The following ARFGEF3 variants were observed in gnomAD, a reference collection of about 807,000 sequenced individuals.
ARFGEF3 encodes brefeldin A-inhibited guanine nucleotide-exchange protein 3.
In ARFGEF3, 96 loss-of-function variants were observed where a neutral mutation model predicts 221.7. That is an observed-to-expected ratio of 0.43 (90% CI 0.37 to 0.51). The LOEUF (loss-of-function observed/expected upper bound fraction) is 0.51, where lower values mean the gene tolerates loss of function less well. ARFGEF3 is among the 20% of genes least tolerant of loss of function. The pLI is 0.00. For synonymous variants in ARFGEF3, 1,145 were observed against 1,126.8 expected, an observed-to-expected ratio of 1.02 and a Z score of -0.32; for missense variants, 2,410 against 2,789.9, an observed-to-expected ratio of 0.86 and a Z score of 3.07.
intron 5 of ARFGEF3, among the ~76,000 whole-genome samples, chr6:138,236,683 G>T (rs910429531): frequency 2.0e-5 from 3 of 152,142 alleles, no homozygotes; most frequent in Non-Finnish European, 4.4e-5. Context: ...CGCCCAGGCA[G>T]ATCTCAAACT....
At chr6:138,306,075 A>G (rs1407557089) in intron 22 of ARFGEF3, among the ~76,000 whole-genome samples, 1 of 152,226 alleles carries the variant, frequency 6.6e-6, no homozygotes, top group Non-Finnish European at 1.5e-5. Context: ...ATAGGGTTGT[A>G]TATAGAACAT....
At position 138,327,885 on chromosome 6, in the gene ARFGEF3, C is replaced by T. The variant is rs999487024; in HGVS notation, c.5002-136C>T. On this transcript the variant is annotated intron_variant, in intron 31 of 33. Coordinates refer to ENST00000251691, the MANE Select transcript of ARFGEF3 (RefSeq NM_020340.5). ...CACACATATCAATTAACTCTCTCAA[C>T]AAACATATCAAATAGGAAACCATTA... 1.8e-5 allele frequency: 12 copies of T among 652,286 alleles called. No homozygotes were observed. The South Asian group carries it at 2.6e-4, about 14-fold the overall frequency. 40.4% of individuals were successfully genotyped at this position (652,286 alleles called of 1,614,324 possible).
At position 138,261,941 on chromosome 6, in the gene ARFGEF3, G is replaced by A. The variant is rs150859268; in HGVS notation, c.1217+302G>A. 1.5e-4 allele frequency among the ~76,000 whole-genome samples: 23 copies of A among 152,030 alleles called. No individual in the cohort carries two copies. In the East Asian group the frequency reaches 4.4e-3, roughly 29 times the overall value. On this transcript the variant is annotated intron_variant, in intron 11 of 33. Transcript: ENST00000251691. ...TAACTATAGGATTTCTTCATATGTA[G>A]CCCCCCTAGAAAACTGAATATTATA...
intron 2 of ARFGEF3, among the ~76,000 whole-genome samples, chr6:138,174,666 G>A (rs182365637): frequency 6.6e-5 from 10 of 151,940 alleles, no homozygotes; most frequent in Admixed American, 6.6e-4. Context: ...TTTCATTTCT[G>A]TTACATAATC....
At position 138,285,940 on chromosome 6, in the gene ARFGEF3, T is replaced by C; in HGVS notation, c.2462-6T>C. 6.3e-7 allele frequency: 1 copy of C among 1,594,764 alleles called. No individual in the cohort carries two copies. Among genetic ancestry groups the C allele is most frequent in the Non-Finnish European group, 8.6e-7 (1 of 1,164,220 alleles). ...TAGGGAAAACTTCTTTCTTTTTCCT[T>C]GACAGATATTGACGGCTTAGAGAGC... On this transcript the variant is annotated splice_region_variant and splice_polypyrimidine_tract_variant and intron_variant, in intron 14 of 33. Coordinates refer to ENST00000251691, the MANE Select transcript of ARFGEF3 (RefSeq NM_020340.5).
intron 14 of ARFGEF3, among the ~76,000 whole-genome samples, chr6:138,282,763 T>C (rs1400560568): frequency 1.3e-5 from 2 of 152,082 alleles, no homozygotes. Context: ...AAAATAAGCA[T>C]TCAGGCCGAG....
At chr6:138,193,347 A>G (rs1431295711) in intron 2 of ARFGEF3, among the ~76,000 whole-genome samples, 1 of 152,128 alleles carries the variant, frequency 6.6e-6, no homozygotes, top group Non-Finnish European at 1.5e-5. Context: ...CTCTCATTAT[A>G]CTTCTATAGT....
At chr6:138,244,790 C>T (rs1778455249) in intron 7 of ARFGEF3, among the ~76,000 whole-genome samples, 2 of 152,124 alleles carry the variant, frequency 1.3e-5, no homozygotes, top group South Asian at 4.1e-4. Context: ...TTTTATCTCT[C>T]TGTGATACCA....
chr6:138,174,469 T>TAAAAAAAA lies in ARFGEF3; in HGVS notation c.137+3787_137+3794dup, dbSNP rs35236693. Among the ~76,000 whole-genome samples, 29 of 25,302 alleles carry TAAAAAAAA rather than the reference T, an allele frequency of 1.1e-3. 7 individuals are homozygous for TAAAAAAAA. The highest frequency in any genetic ancestry group is 3.2e-3 in the African/African-American group (23 of 7,242). The allele number at this position is 25,302 out of a possible 152,430, so 16.6% of individuals were successfully genotyped here. On this transcript the variant is annotated intron_variant, in intron 2 of 33. Transcript: ENST00000251691. ...GGCATCCTTCTATTTGAGCATCTGCTAAAAAAAAAAAAAAAAAAAAAAAAA... is the reference window on the plus strand; with the variant it reads ...GGCATCCTTCTATTTGAGCATCTGCTAAAAAAAAAAAAAAAAAAAAAAAAAAAAAAAAA...
At chr6:138,323,160 A>G (rs558823782) in intron 29 of ARFGEF3, among the ~76,000 whole-genome samples, 1 of 152,210 alleles carries the variant, frequency 6.6e-6, no homozygotes, top group African/African-American at 2.4e-5. Context: ...TGTAGAGGGG[A>G]TCCGTTGATA....
Position 138,263,612 on chromosome 6 carries a change from G to T in ARFGEF3, c.2128+1G>T. 6.3e-7 allele frequency: 1 copy of T among 1,591,428 alleles called. No homozygotes were observed. On this transcript the variant is annotated splice_donor_variant, in intron 12 of 33. Transcript: ENST00000251691. LOFTEE classifies it high-confidence loss of function. ...AACTTTGCCTCTACTTTCTGCTCAG[G>T]TTTGTAAACAATTCTCTGCTGTATA... is the stretch of plus-strand genomic sequence containing the variant.
At chr6:138,323,098 A>G (rs1780063283) in intron 29 of ARFGEF3, among the ~76,000 whole-genome samples, 1 of 152,088 alleles carries the variant, frequency 6.6e-6, no homozygotes, top group African/African-American at 2.4e-5. Flanking sequence ...AAAAATCACT[A>G]CAGAATATAT....
chr6:138,276,315 G>A (rs923677861), intron 12 of ARFGEF3, among the ~76,000 whole-genome samples: 1 of 152,226 alleles, frequency 6.6e-6, no homozygotes, highest in African/African-American at 2.4e-5. Flanking sequence ...TAGATGCAGA[G>A]AAGCTGACTT....
intron 5 of ARFGEF3, among the ~76,000 whole-genome samples, chr6:138,237,315 ATAAT>A (rs1346612405): frequency 1.3e-5 from 2 of 152,194 alleles, no homozygotes; most frequent in Non-Finnish European, 2.9e-5. Context: ...TCCTAGAAAA[ATAAT>A]TTAGGAAATT....
At chr6:138,174,433 A>G (rs1234788854) in intron 2 of ARFGEF3, among the ~76,000 whole-genome samples, 1 of 127,582 alleles carries the variant, frequency 7.8e-6, no homozygotes, top group Non-Finnish European at 1.6e-5. Context: ...TTAAATCATT[A>G]TGTTTAACAT....
At chr6:138,171,430 T>A (rs1327833711) in intron 2 of ARFGEF3, among the ~76,000 whole-genome samples, 1 of 152,126 alleles carries the variant, frequency 6.6e-6, no homozygotes, top group Non-Finnish European at 1.5e-5. Context: ...CTAGGTAGTG[T>A]GGATTTAAGC....
chr6:138,287,633 C>A lies in ARFGEF3; in HGVS notation c.2896+449C>A, dbSNP rs542205495. 7.2e-5 allele frequency among the ~76,000 whole-genome samples: 11 copies of A among 152,312 alleles called. No individual in the cohort carries two copies. The East Asian group carries it at 1.9e-3, about 27-fold the overall frequency. On this transcript the variant is annotated intron_variant, in intron 17 of 33. Transcript: ENST00000251691. Reference sequence around the variant, plus strand: ...GAAGAGGCTCTTATCAGAGAAAAATCTGAGCTTTGTGAACTCGAGAAATGG... The same window carrying A: ...GAAGAGGCTCTTATCAGAGAAAAATATGAGCTTTGTGAACTCGAGAAATGG...
Position 138,339,107 on chromosome 6 carries a change from A to G in ARFGEF3, c.*2621A>G, listed in dbSNP as rs1008265503. ...CGAGTTACCAGCCATCCACACTGACATCAGATTTCAACCAGAACCATCACT... is the reference window on the plus strand; with the variant it reads ...CGAGTTACCAGCCATCCACACTGACGTCAGATTTCAACCAGAACCATCACT... On this transcript the variant is annotated 3_prime_UTR_variant, in exon 34 of 34. Coordinates refer to ENST00000251691, the MANE Select transcript of ARFGEF3 (RefSeq NM_020340.5). 9.8e-5 allele frequency: 15 copies of G among 152,326 alleles called. No homozygotes were observed. Among genetic ancestry groups the G allele is most frequent in the African/African-American group, 3.4e-4 (14 of 41,454 alleles). The allele number at this position is 152,326 out of a possible 1,614,324, so 9.4% of individuals were successfully genotyped here.
chr6:138,321,959 A>G (rs1042564249), intron 29 of ARFGEF3, among the ~76,000 whole-genome samples: 7 of 152,332 alleles, frequency 4.6e-5, no homozygotes, highest in South Asian at 4.1e-4. Context: ...AGCAAGTCAC[A>G]TCTTAATGGA....
Sources: allele counts gnomAD v4.1 joint callset (sites outside exome capture counted in the v4.1 genomes callset), GRCh38; gene constraint gnomAD v4.1.1; transcripts MANE v1.5; gene names NCBI Gene and HGNC (gene_info 2026-07-23, HGNC 2026-07-21).